The following CDH8 variants were observed in gnomAD, a reference collection of about 807,000 sequenced individuals.
CDH8 encodes the protein cadherin 8, also known as cadherin-8.
A neutral mutation model predicts 68.1 loss-of-function variants in CDH8; 17 were observed. The observed-to-expected ratio is 0.25, with a 90% CI of 0.17 to 0.37. The LOEUF is 0.37. Among genes scored for constraint, CDH8 ranks in the 10% least tolerant of loss-of-function variants. The probability of loss-of-function intolerance (pLI) is 1.00; values close to 1 mark genes in which losing one functional copy is unlikely to be tolerated. For missense variants in CDH8, 763 were observed against 999.3 expected (o/e 0.76, Z 3.19); for synonymous variants, 372 against 365.1 (o/e 1.02, Z -0.21).
chr16:61,768,367 T>A, intron 8 of CDH8, among the ~76,000 whole-genome samples: 1 of 80,644 alleles, frequency 1.2e-5, no homozygotes, highest in East Asian at 3.6e-4. Context: ...TCTCTCTCTC[T>A]CCCTTTCTCT....
chr16:61,820,299 T>C (rs1199022220), intron 6 of CDH8, among the ~76,000 whole-genome samples: 2 of 149,832 alleles, frequency 1.3e-5, no homozygotes, highest in African/African-American at 4.9e-5. Flanking sequence ...TGAACCTGAA[T>C]GTTCTGCCTG....
chr16:61,724,323 C>G (rs539529156), intron 9 of CDH8, among the ~76,000 whole-genome samples: 2 of 150,688 alleles, frequency 1.3e-5, no homozygotes, highest in Non-Finnish European at 3.0e-5. Flanking sequence ...TCTTTTTCTT[C>G]TTGTTTTTCA....
intron 8 of CDH8, among the ~76,000 whole-genome samples, chr16:61,771,284 G>T (rs1392591556): frequency 1.3e-5 from 2 of 151,652 alleles, no homozygotes; most frequent in African/African-American, 2.4e-5. Flanking sequence ...GTGGAGTTCA[G>T]ATTTTTGTTT....
chr16:61,664,663 A>G (rs1173749388), intron 10 of CDH8, among the ~76,000 whole-genome samples: 1 of 152,032 alleles, frequency 6.6e-6, no homozygotes, highest in Non-Finnish European at 1.5e-5. Context: ...AAACATGAGC[A>G]ATAAACTGAG....
chr16:61,693,364 A>G (rs1216534147), intron 10 of CDH8: 1 of 152,080 alleles, frequency 6.6e-6, no homozygotes, highest in Non-Finnish European at 1.5e-5. Context: ...CATATTGTTT[A>G]TTGGATGCCT....
chr16:61,923,609 C>T (rs906561603), intron 2 of CDH8, among the ~76,000 whole-genome samples: 1 of 151,520 alleles, frequency 6.6e-6, no homozygotes, highest in African/African-American at 2.4e-5. Flanking sequence ...AAGTGAAATA[C>T]TATATGTCAC....
At chr16:61,915,055 G>T (rs1476093492) in intron 2 of CDH8, among the ~76,000 whole-genome samples, 2 of 152,174 alleles carry the variant, frequency 1.3e-5, no homozygotes, top group Non-Finnish European at 2.9e-5. Flanking sequence ...TACATATGAA[G>T]TAGCTAGTGA....
intron 2 of CDH8, among the ~76,000 whole-genome samples, chr16:61,952,995 G>A: frequency 6.6e-6 from 1 of 152,078 alleles, no homozygotes; most frequent in East Asian, 1.9e-4. Context: ...TGTGAGGATG[G>A]TAGGAGGTAG....
intron 2 of CDH8, among the ~76,000 whole-genome samples, chr16:61,920,199 A>G (rs1964335084): frequency 7.1e-6 from 1 of 140,986 alleles, no homozygotes; most frequent in Admixed American, 7.1e-5. Flanking sequence ...ATGGGCAAGG[A>G]CTTCATGTCT....
At chr16:61,732,242 C>T (rs996599091) in intron 8 of CDH8, among the ~76,000 whole-genome samples, 6 of 151,646 alleles carry the variant, frequency 4.0e-5, no homozygotes, top group Non-Finnish European at 8.8e-5. Flanking sequence ...GAAACACTAG[C>T]CTGTATATCC....
chr16:61,700,821 T>C (rs1311542779), intron 10 of CDH8, among the ~76,000 whole-genome samples: 2 of 152,144 alleles, frequency 1.3e-5, no homozygotes, highest in Non-Finnish European at 2.9e-5. Context: ...TAGAGTTCTA[T>C]TGCACCATAG....
intron 2 of CDH8, among the ~76,000 whole-genome samples, chr16:61,913,449 T>C (rs1964190815): frequency 6.6e-6 from 1 of 152,146 alleles, no homozygotes; most frequent in Non-Finnish European, 1.5e-5. Context: ...AACTTGAGCA[T>C]TTGTGGATTT....
Position 61,751,382 on chromosome 16 carries a change from T to TAAAAAAAAAA in CDH8, c.1415-24177_1415-24168dup, listed in dbSNP as rs71134375. 5.7e-4 allele frequency among the ~76,000 whole-genome samples: 31 copies of TAAAAAAAAAA among 54,154 alleles called. 1 individual carries two copies. Among genetic ancestry groups the TAAAAAAAAAA allele is most frequent in the East Asian group, 2.7e-3 (3 of 1,102 alleles). The allele number at this position is 54,154 out of a possible 152,430, so 35.5% of individuals were successfully genotyped here. ...CACAAATGTCCTTCCATATTCTCCT[T>TAAAAAAAAAA]AAAAAAAAAAAAAAAAAAAAAAAAA... On this transcript the variant is annotated intron_variant, in intron 8 of 11. Transcript: ENST00000577390.
At chr16:61,678,140 C>A (rs908191544) in intron 10 of CDH8, among the ~76,000 whole-genome samples, 1 of 151,950 alleles carries the variant, frequency 6.6e-6, no homozygotes, top group African/African-American at 2.4e-5. Context: ...CCCCTTGCTC[C>A]CCAACCAACA....
At chr16:61,992,446 T>TG (rs1231120829) in intron 2 of CDH8, among the ~76,000 whole-genome samples, 6 of 58,204 alleles carry the variant, frequency 1.0e-4, no homozygotes, top group Non-Finnish European at 1.5e-4. Context: ...TGTTGTGGGG[T>TG]GGGGGGAGGG....
chr16:61,917,364 ATGGAAAGAC>A (rs1964257271), intron 2 of CDH8, among the ~76,000 whole-genome samples: 1 of 152,142 alleles, frequency 6.6e-6, no homozygotes, highest in Admixed American at 6.5e-5. Flanking sequence ...ATCCTGAGAT[ATGGAAAGAC>A]TGGTCAGACA....
At chr16:61,953,107 G>T (rs567075613) in intron 2 of CDH8, among the ~76,000 whole-genome samples, 5 of 152,208 alleles carry the variant, frequency 3.3e-5, no homozygotes, top group African/African-American at 1.2e-4. Flanking sequence ...CCACCATGTG[G>T]GGACACAGAG....
intron 8 of CDH8, among the ~76,000 whole-genome samples, chr16:61,762,856 C>T (rs1040332751): frequency 5.3e-5 from 8 of 152,142 alleles, no homozygotes; most frequent in African/African-American, 1.9e-4. Context: ...ATCTGCACCC[C>T]AAACTCAGGG....
At chr16:61,987,619 G>C (rs1472988857) in intron 2 of CDH8, among the ~76,000 whole-genome samples, 1 of 152,126 alleles carries the variant, frequency 6.6e-6, no homozygotes, top group African/African-American at 2.4e-5. Flanking sequence ...CCAGTAGGTA[G>C]TGGAGCTGAA....
Sources: allele counts gnomAD v4.1 joint callset (sites outside exome capture counted in the v4.1 genomes callset), GRCh38; gene constraint gnomAD v4.1.1; transcripts MANE v1.5; gene names NCBI Gene and HGNC (gene_info 2026-07-23, HGNC 2026-07-21).